The following SOX6 variants were observed in gnomAD, a reference collection of about 807,000 sequenced individuals.
The protein encoded by SOX6 is SRY-box transcription factor 6.
In SOX6, 11 loss-of-function variants were observed where a neutral mutation model predicts 97.8. The observed-to-expected ratio is 0.11, with a 90% confidence interval of 0.07 to 0.19. The LOEUF (loss-of-function observed/expected upper bound fraction) is 0.19. Among genes scored for constraint, SOX6 ranks in the 10% least tolerant of loss-of-function variants. The pLI, the probability that SOX6 is intolerant of heterozygous loss-of-function variation, is 1.00. For missense variants in SOX6, 810 were observed against 1,039.5 expected (o/e 0.78, Z 3.04); for synonymous variants, 360 against 371.4 (o/e 0.97, Z 0.35).
chr11:16,468,529 T>C (rs770168336), intron 1 of SOX6, among the ~76,000 whole-genome samples: 19 of 152,172 alleles, frequency 1.2e-4, no homozygotes, highest in Non-Finnish European at 2.4e-4. Flanking sequence ...CACTGTCCTC[T>C]GATTAGAAGA....
intron 3 of SOX6, among the ~76,000 whole-genome samples, chr11:16,694,634 C>T (rs1172453714): frequency 6.6e-6 from 1 of 152,136 alleles, no homozygotes; most frequent in Non-Finnish European, 1.5e-5. Context: ...AATATTTCTG[C>T]ATTTAAAATG....
At chr11:16,155,548 C>G (rs1302714787) in intron 6 of SOX6, among the ~76,000 whole-genome samples, 7 of 152,022 alleles carry the variant, frequency 4.6e-5, no homozygotes, top group African/African-American at 1.7e-4. Context: ...CTCTGTTAAG[C>G]CTCCATTTTC....
chr11:16,599,167 T>C (rs1848242141), intron 4 of SOX6, among the ~76,000 whole-genome samples: 1 of 152,144 alleles, frequency 6.6e-6, no homozygotes, highest in African/African-American at 2.4e-5. Flanking sequence ...TTAGGCTTCT[T>C]CAATACATGG....
chr11:16,434,206 T>G (rs1859328014), intron 1 of SOX6: 1 of 152,078 alleles, frequency 6.6e-6, no homozygotes. Context: ...GTACACACTC[T>G]CAGTCATCTT....
chr11:16,260,136 A>G (rs905609956), intron 3 of SOX6, among the ~76,000 whole-genome samples: 1 of 151,922 alleles, frequency 6.6e-6, no homozygotes, highest in African/African-American at 2.4e-5. Context: ...AGTAGCTGGG[A>G]CTACAGGCAC....
intron 11 of SOX6, among the ~76,000 whole-genome samples, chr11:16,046,929 G>T (rs893509812): frequency 1.3e-5 from 2 of 152,116 alleles, no homozygotes; most frequent in Non-Finnish European, 2.9e-5. Context: ...AGCCTACCTG[G>T]ATTCTGTCTA....
At chr11:16,597,112 G>A (rs1168355900) in intron 4 of SOX6, among the ~76,000 whole-genome samples, 1 of 152,060 alleles carries the variant, frequency 6.6e-6, no homozygotes, top group Non-Finnish European at 1.5e-5. Context: ...AGTATGGCTG[G>A]TAAGTTTATC....
intron 3 of SOX6, among the ~76,000 whole-genome samples, chr11:16,276,285 AC>A (rs1450547913): frequency 6.6e-6 from 1 of 152,206 alleles, no homozygotes; most frequent in Non-Finnish European, 1.5e-5. Flanking sequence ...AAAGGTAGAA[AC>A]TAAACCTAAA....
chr11:16,635,725 G>T (rs964106653), intron 3 of SOX6, among the ~76,000 whole-genome samples: 2 of 152,172 alleles, frequency 1.3e-5, no homozygotes, highest in Non-Finnish European at 1.5e-5. Context: ...GGTTTCCTGG[G>T]TGAGGTCCAG....
chr11:16,201,352 A>C (rs1429377068), intron 4 of SOX6, among the ~76,000 whole-genome samples: 1 of 152,086 alleles, frequency 6.6e-6, no homozygotes, highest in African/African-American at 2.4e-5. Context: ...AGAACCCTAT[A>C]GTTGATTTTT....
At chr11:16,407,510 C>T (rs1407919766) in intron 1 of SOX6, among the ~76,000 whole-genome samples, 2 of 152,138 alleles carry the variant, frequency 1.3e-5, no homozygotes, top group Non-Finnish European at 2.9e-5. Context: ...AGAGTCCCTA[C>T]ATGTAGCTTT....
intron 6 of SOX6, among the ~76,000 whole-genome samples, chr11:16,117,962 T>C (rs1040380035): frequency 6.6e-6 from 1 of 150,852 alleles, no homozygotes; most frequent in Non-Finnish European, 1.5e-5. Context: ...AAATTTCAAA[T>C]AGCATCTTTT....
intron 1 of SOX6, among the ~76,000 whole-genome samples, chr11:16,353,337 C>T (rs1856995848): frequency 6.6e-6 from 1 of 151,994 alleles, no homozygotes; most frequent in Non-Finnish European, 1.5e-5. Context: ...TTTAGATACC[C>T]TCTTAAAATA....
At chr11:16,591,302 G>T (rs553734682) in intron 4 of SOX6, among the ~76,000 whole-genome samples, 1 of 147,240 alleles carries the variant, frequency 6.8e-6, no homozygotes, top group East Asian at 2.0e-4. Flanking sequence ...ACATAGATTA[G>T]ATAAATGGTT....
At chr11:16,057,294 T>C (rs1590165675) in intron 9 of SOX6, among the ~76,000 whole-genome samples, 1 of 152,194 alleles carries the variant, frequency 6.6e-6, no homozygotes, top group Non-Finnish European at 1.5e-5. Context: ...CTGTTTTATA[T>C]TATTTTATGA....
In SOX6 at chr11:15,972,504, G is replaced by A. The variant is rs1026975182; in HGVS notation, c.*305C>T. 5 of 370,112 alleles carry A rather than the reference G, an allele frequency of 1.4e-5. No individual in the cohort carries two copies. In the Admixed American group the frequency reaches 2.2e-4, roughly 16 times the overall value. 22.9% of individuals were successfully genotyped at this position (370,112 alleles called of 1,614,324 possible). ...AACATCCAAAAGAAAAAAAAAGTAAGACAAAAATATAAGACTTGTAAGACA... is the reference window on the plus strand; with the variant it reads ...AACATCCAAAAGAAAAAAAAAGTAAAACAAAAATATAAGACTTGTAAGACA... On this transcript the variant is annotated 3_prime_UTR_variant, in exon 16 of 16. Coordinates refer to ENST00000683767, the MANE Select transcript of SOX6 (RefSeq NM_001367873.1).
intron 4 of SOX6, among the ~76,000 whole-genome samples, chr11:16,575,470 A>T (rs1847974367): frequency 6.6e-6 from 1 of 152,242 alleles, no homozygotes; most frequent in Non-Finnish European, 1.5e-5. Flanking sequence ...AGCATTGTTC[A>T]TAATAACCAG....
intron 11 of SOX6, among the ~76,000 whole-genome samples, chr11:16,047,915 T>C (rs993139200): frequency 6.6e-6 from 1 of 152,084 alleles, no homozygotes; most frequent in African/African-American, 2.4e-5. Context: ...CAGCTTTTAT[T>C]TTGGAGCTTT....
At chr11:16,147,553 T>C (rs1850343228) in intron 6 of SOX6, among the ~76,000 whole-genome samples, 1 of 152,170 alleles carries the variant, frequency 6.6e-6, no homozygotes, top group Admixed American at 6.6e-5. Flanking sequence ...AAATGTTTCC[T>C]TAAAGGGAAA....
Sources: gnomAD v4.1 joint callset for allele counts (sites outside exome capture counted in the v4.1 genomes callset) on GRCh38, gnomAD v4.1.1 for gene constraint, MANE v1.5 for transcripts, NCBI Gene and HGNC (gene_info 2026-07-23, HGNC 2026-07-21) for gene names.